MYPN: variants seen among roughly 807,000 people sequenced by gnomAD.
MYPN encodes the protein myopalladin, also known as sarcomeric protein myopalladin, 145 kDa (MYOP).
In MYPN, 63 loss-of-function variants were observed where a neutral mutation model predicts 129.4. The ratio of observed to expected loss-of-function variants is 0.49; its 90% CI spans 0.40 to 0.60. The LOEUF (loss-of-function observed/expected upper bound fraction) is 0.60. MYPN is among the 20% of genes least tolerant of loss of function. MYPN has a pLI of 0.00. For synonymous variants in MYPN, 629 were observed against 600.9 expected (o/e 1.05, Z -0.68); for missense variants, 1,596 against 1,635.4 (o/e 0.98, Z 0.42).
chr10:68,182,799 C>G (rs993936721), intron 12 of MYPN, among the ~76,000 whole-genome samples: 1 of 152,064 alleles, frequency 6.6e-6, no homozygotes, highest in Non-Finnish European at 1.5e-5. Context: ...TGAGCCACCA[C>G]GCCCGGTCTC....
chr10:68,112,508 T>C (rs909615661), intron 1 of MYPN, among the ~76,000 whole-genome samples: 6 of 152,204 alleles, frequency 3.9e-5, no homozygotes, highest in African/African-American at 1.4e-4. Context: ...TATCTAAAAG[T>C]CTTCATTACT....
At chr10:68,136,944 C>T (rs115721559) in intron 2 of MYPN, among the ~76,000 whole-genome samples, 1 of 152,162 alleles carries the variant, frequency 6.6e-6, no homozygotes, top group African/African-American at 2.4e-5. Flanking sequence ...AATAACATGC[C>T]AGTGGTTCAA....
intron 2 of MYPN, among the ~76,000 whole-genome samples, chr10:68,130,073 G>T (rs2042385739): frequency 6.6e-6 from 1 of 152,122 alleles, no homozygotes; most frequent in Admixed American, 6.5e-5. Context: ...GACCTTTCAG[G>T]ACTCTTGTTT....
At chr10:68,204,110 T>C (rs2043769435) in intron 18 of MYPN, among the ~76,000 whole-genome samples, 1 of 152,202 alleles carries the variant, frequency 6.6e-6, no homozygotes, top group Admixed American at 6.5e-5. Flanking sequence ...GATGTTCTTC[T>C]ACCAGCAACT....
intron 1 of MYPN, among the ~76,000 whole-genome samples, chr10:68,118,420 C>T (rs566060849): frequency 2.4e-4 from 36 of 152,188 alleles, no homozygotes; most frequent in East Asian, 1.5e-3. Flanking sequence ...ATAATTGTTA[C>T]GAGATGAAGC....
At chr10:68,189,868 T>C (rs1428482939) in intron 13 of MYPN, among the ~76,000 whole-genome samples, 1 of 152,224 alleles carries the variant, frequency 6.6e-6, no homozygotes, top group African/African-American at 2.4e-5. Flanking sequence ...ATTTCCTTTC[T>C]TTTGGATATA....
chr10:68,119,364 C>T (rs1008387741), intron 1 of MYPN, among the ~76,000 whole-genome samples: 6 of 151,304 alleles, frequency 4.0e-5, no homozygotes, highest in Non-Finnish European at 8.8e-5. Context: ...AATCTTTGCC[C>T]TCCAACACCT....
At chr10:68,190,741 A>AC (rs200828973) in intron 13 of MYPN, among the ~76,000 whole-genome samples, 3 of 152,144 alleles carry the variant, frequency 2.0e-5, no homozygotes, top group Non-Finnish European at 2.9e-5. Flanking sequence ...TTAAGGTCTT[A>AC]CCCAAAAAAA....
chr10:68,120,527 T>C (rs183270286), intron 1 of MYPN, among the ~76,000 whole-genome samples: 2 of 152,262 alleles, frequency 1.3e-5, no homozygotes, highest in Admixed American at 1.3e-4. Flanking sequence ...ATGAAGAAGC[T>C]AAATCATCAT....
Position 68,162,034 on chromosome 10 carries a change from G to T in MYPN, c.1483+282G>T, listed in dbSNP as rs2042984899. The T allele has an allele frequency of 2.4e-5, 6 of 250,148 alleles. No homozygotes were observed. The South Asian group carries it at 3.6e-4, about 15-fold the overall frequency. The allele number at this position is 250,148 out of a possible 1,614,324, so 15.5% of individuals were successfully genotyped here. Reference sequence around the variant, plus strand: ...AATATAAAAATTAGCCAGGCATAGTGGCGCACGTCTGTAATCCCAGCTACC... The same window carrying T: ...AATATAAAAATTAGCCAGGCATAGTTGCGCACGTCTGTAATCCCAGCTACC... On this transcript the variant is annotated intron_variant, in intron 8 of 19. Coordinates refer to ENST00000358913, the MANE Select transcript of MYPN (RefSeq NM_032578.4).
chr10:68,182,969 TC>T (rs2043362563), intron 12 of MYPN, among the ~76,000 whole-genome samples: 1 of 152,178 alleles, frequency 6.6e-6, no homozygotes, highest in Non-Finnish European at 1.5e-5. Context: ...CTTCTGTAGT[TC>T]CTTTGGCTAA....
intron 1 of MYPN, among the ~76,000 whole-genome samples, chr10:68,091,670 A>G (rs1377172978): frequency 6.6e-6 from 1 of 151,690 alleles, no homozygotes; most frequent in Non-Finnish European, 1.5e-5. Context: ...TGCTGGGATT[A>G]TAGGCATGAG....
chr10:68,138,668 G>A (rs2042525842), intron 2 of MYPN, among the ~76,000 whole-genome samples: 1 of 152,132 alleles, frequency 6.6e-6, no homozygotes, highest in Non-Finnish European at 1.5e-5. Context: ...TGCTTCTACT[G>A]CTATTGCTTG....
At chr10:68,140,310 A>G (rs531283208) in intron 2 of MYPN, among the ~76,000 whole-genome samples, 68 of 152,286 alleles carry the variant, frequency 4.5e-4, no homozygotes, top group Non-Finnish European at 7.6e-4. Context: ...AAACTATAGG[A>G]TGAGATAAGA....
chr10:68,181,301 T>G (rs1430700673), intron 12 of MYPN, among the ~76,000 whole-genome samples: 1 of 152,172 alleles, frequency 6.6e-6, no homozygotes, highest in Non-Finnish European at 1.5e-5. Context: ...AATTTTAATT[T>G]TTTTTTTTGA....
intron 2 of MYPN, among the ~76,000 whole-genome samples, chr10:68,125,667 CAG>C (rs2042315387): frequency 6.6e-6 from 1 of 152,130 alleles, no homozygotes. Context: ...TGTCAGGTGT[CAG>C]AGAAGGAGTG....
intron 2 of MYPN, among the ~76,000 whole-genome samples, chr10:68,128,479 T>G (rs1160870585): frequency 6.6e-6 from 1 of 152,252 alleles, no homozygotes; most frequent in Non-Finnish European, 1.5e-5. Context: ...TTCTACTTTT[T>G]GGAAAAATCT....
intron 10 of MYPN, among the ~76,000 whole-genome samples, chr10:68,169,121 G>A (rs1309049901): frequency 4.7e-5 from 7 of 148,206 alleles, no homozygotes; most frequent in African/African-American, 1.3e-4. Context: ...CAAGGCGGGC[G>A]GATCACGAGT....
intron 4 of MYPN, 61 bp from the exon 5 acceptor site, chr10:68,148,292 A>C: frequency 7.3e-7 from 1 of 1,365,776 alleles, no homozygotes. Context: ...AGTTTTCCTA[A>C]AATAATTTTC....
Sources: allele counts gnomAD v4.1 joint callset (sites outside exome capture counted in the v4.1 genomes callset), GRCh38; gene constraint gnomAD v4.1.1; transcripts MANE v1.5; gene names NCBI Gene and HGNC (gene_info 2026-07-23, HGNC 2026-07-21).